The following CAMK1D variants were observed in gnomAD, a reference collection of about 807,000 sequenced individuals.
CAMK1D encodes calcium/calmodulin-dependent protein kinase type 1D.
Under a neutral mutation model 47.7 loss-of-function variants are expected in CAMK1D, and 9 were observed. The ratio of observed to expected loss-of-function variants is 0.19; its 90% CI spans 0.11 to 0.33. The LOEUF (loss-of-function observed/expected upper bound fraction) is 0.33. CAMK1D is among the 10% of genes least tolerant of loss of function. The probability of loss-of-function intolerance (pLI) is 1.00; values close to 1 mark genes in which losing one functional copy is unlikely to be tolerated. For synonymous variants in CAMK1D, 184 were observed against 184.9 expected (o/e 0.99, Z 0.04); for missense variants, 291 against 488.7 (o/e 0.60, Z 3.81).
chr10:12,369,770 C>T (rs1386449443), intron 1 of CAMK1D, among the ~76,000 whole-genome samples: 2 of 151,856 alleles, frequency 1.3e-5, no homozygotes, highest in Non-Finnish European at 1.5e-5. Flanking sequence ...ACCAGCCTGG[C>T]CAACATGGTG....
intron 1 of CAMK1D, among the ~76,000 whole-genome samples, chr10:12,383,262 T>C (rs1838394148): frequency 7.0e-6 from 1 of 142,550 alleles, no homozygotes; most frequent in Non-Finnish European, 1.5e-5. Context: ...ATCTTTCCAA[T>C]TTTTTTTTTT....
At chr10:12,545,977 C>T (rs974557086) in intron 1 of CAMK1D, among the ~76,000 whole-genome samples, 2 of 152,044 alleles carry the variant, frequency 1.3e-5, no homozygotes, top group East Asian at 1.9e-4. Flanking sequence ...GACATGTGTA[C>T]GGCGTGGAGT....
At chr10:12,689,371 A>G (rs1832782934) in intron 3 of CAMK1D, among the ~76,000 whole-genome samples, 1 of 152,242 alleles carries the variant, frequency 6.6e-6, no homozygotes, top group African/African-American at 2.4e-5. Flanking sequence ...CCTGCTTCAT[A>G]AAGAAGTCAT....
chr10:12,538,572 GA>G (rs1192419177), intron 1 of CAMK1D, among the ~76,000 whole-genome samples: 1 of 152,164 alleles, frequency 6.6e-6, no homozygotes, highest in African/African-American at 2.4e-5. Flanking sequence ...TACATTTCCA[GA>G]ACGTATTGCT....
chr10:12,756,437 G>C (rs189711242), intron 3 of CAMK1D, among the ~76,000 whole-genome samples: 67 of 152,108 alleles, frequency 4.4e-4, no homozygotes, highest in Non-Finnish European at 7.2e-4. Flanking sequence ...AGTTTTACTC[G>C]GTCCAGCAAC....
At chr10:12,670,297 C>T (rs1840573261) in intron 3 of CAMK1D, among the ~76,000 whole-genome samples, 1 of 151,784 alleles carries the variant, frequency 6.6e-6, no homozygotes. Flanking sequence ...TTTTTTTATG[C>T]CCCGATTGGC....
intron 7 of CAMK1D, 48 bp downstream of exon 7, chr10:12,814,355 A>G: frequency 8.2e-7 from 1 of 1,217,542 alleles, no homozygotes; most frequent in Non-Finnish European, 1.2e-6. Flanking sequence ...CGCGACACTT[A>G]CACCCAGACC....
intron 2 of CAMK1D, among the ~76,000 whole-genome samples, chr10:12,641,066 T>C (rs1442464289): frequency 6.6e-6 from 1 of 151,908 alleles, no homozygotes; most frequent in Non-Finnish European, 1.5e-5. Flanking sequence ...ACCTCCTGGG[T>C]TCAAGCAATT....
intron 1 of CAMK1D, among the ~76,000 whole-genome samples, chr10:12,525,145 A>T (rs1415515833): frequency 1.3e-5 from 2 of 152,156 alleles, no homozygotes; most frequent in Non-Finnish European, 2.9e-5. Context: ...TTCTCCGGCT[A>T]GTCTCAAGAT....
At chr10:12,751,730 G>A (rs1251423312) in intron 3 of CAMK1D, among the ~76,000 whole-genome samples, 2 of 152,200 alleles carry the variant, frequency 1.3e-5, no homozygotes, top group South Asian at 4.1e-4. Context: ...CGATGAGTAC[G>A]GGTAGAAAGA....
chr10:12,542,892 T>A (rs1174836059), intron 1 of CAMK1D, among the ~76,000 whole-genome samples: 1 of 152,026 alleles, frequency 6.6e-6, no homozygotes, highest in Admixed American at 6.6e-5. Flanking sequence ...ATTACAGGCA[T>A]GCGCCACCAT....
At chr10:12,594,691 A>G (rs2132371507) in intron 2 of CAMK1D, among the ~76,000 whole-genome samples, 1 of 152,366 alleles carries the variant, frequency 6.6e-6, no homozygotes, top group Admixed American at 6.5e-5. Flanking sequence ...TTTAGGTTAC[A>G]GGCAGTTTGT....
At chr10:12,627,140 G>T (rs1178176170) in intron 2 of CAMK1D, among the ~76,000 whole-genome samples, 6 of 147,558 alleles carry the variant, frequency 4.1e-5, no homozygotes, top group Non-Finnish European at 5.9e-5. Flanking sequence ...GGAGTGCAGT[G>T]GCTCGATCTC....
intron 1 of CAMK1D, among the ~76,000 whole-genome samples, chr10:12,460,415 C>G (rs906840433): frequency 1.3e-5 from 2 of 152,050 alleles, no homozygotes; most frequent in African/African-American, 2.4e-5. Context: ...TCTGCACTGC[C>G]ATGCCCAGCT....
intron 10 of CAMK1D, 69 bp from the exon 11 acceptor site, chr10:12,828,700 C>G (rs1208457792): frequency 1.6e-6 from 2 of 1,286,888 alleles, no homozygotes; most frequent in Admixed American, 3.5e-5. Flanking sequence ...CCTCTGACAC[C>G]TGGCAGTGGG....
intron 1 of CAMK1D, among the ~76,000 whole-genome samples, chr10:12,423,988 T>TA (rs1436541529): frequency 6.6e-6 from 1 of 152,166 alleles, no homozygotes; most frequent in Non-Finnish European, 1.5e-5. Context: ...CATCAGGTGA[T>TA]ACCCTTCAAG....
intron 1 of CAMK1D, among the ~76,000 whole-genome samples, chr10:12,500,806 TCTTA>T (rs1006996594): frequency 1.3e-5 from 2 of 152,240 alleles, no homozygotes; most frequent in African/African-American, 2.4e-5. Context: ...GTTGTACACC[TCTTA>T]CTTGTTGATT....
intron 1 of CAMK1D, among the ~76,000 whole-genome samples, chr10:12,456,930 C>T (rs998134505): frequency 1.3e-5 from 2 of 152,090 alleles, no homozygotes; most frequent in Admixed American, 1.3e-4. Flanking sequence ...GCAGATACAC[C>T]CCCACATGTG....
intron 1 of CAMK1D, among the ~76,000 whole-genome samples, chr10:12,401,142 T>C (rs1166054102): frequency 3.0e-5 from 2 of 66,152 alleles, no homozygotes; most frequent in Admixed American, 2.6e-4. Flanking sequence ...ATATATTATA[T>C]ATATATTTTA....
Sources: allele counts gnomAD v4.1 joint callset (sites outside exome capture counted in the v4.1 genomes callset), GRCh38; gene constraint gnomAD v4.1.1; transcripts MANE v1.5; gene names NCBI Gene and HGNC (gene_info 2026-07-23, HGNC 2026-07-21).